The following CEP63 variants were observed in gnomAD, a reference collection of about 807,000 sequenced individuals.
The protein encoded by CEP63 is centrosomal protein of 63 kDa.
CEP63 carries 84 observed loss-of-function variants against 89.1 expected under a neutral mutation model. The ratio of observed to expected loss-of-function variants is 0.94; its 90% CI spans 0.79 to 1.13. CEP63 has a LOEUF of 1.13. CEP63 is among the 50% of genes most tolerant of loss of function. The pLI is 0.00. For missense variants in CEP63, 838 were observed against 813.3 expected (o/e 1.03, Z -0.37); for synonymous variants, 267 against 272.5 (o/e 0.98, Z 0.20).
chr3:134,767,516 AGAG>A, the CEP63 span, among the ~76,000 whole-genome samples: 1 of 152,224 alleles, frequency 6.6e-6, no homozygotes, highest in African/African-American at 2.4e-5. Context: ...AAAGTCTCAT[AGAG>A]CTCTGCACTC....
chr3:134,594,343 T>C, the CEP63 span, among the ~76,000 whole-genome samples: 1 of 152,152 alleles, frequency 6.6e-6, no homozygotes, highest in African/African-American at 2.4e-5. Context: ...TAGCTGCCCC[T>C]GCCACCATAA....
At chr3:134,487,769 A>G (rs1216652747) in intron 1 of CEP63, among the ~76,000 whole-genome samples, 1 of 152,264 alleles carries the variant, frequency 6.6e-6, no homozygotes, top group East Asian at 1.9e-4. Context: ...ATATCCAGTC[A>G]GATAACGATT....
chr3:134,527,599 A>C (rs893963683), intron 3 of CEP63, among the ~76,000 whole-genome samples: 1 of 152,222 alleles, frequency 6.6e-6, no homozygotes, highest in African/African-American at 2.4e-5. Context: ...ACATGCCAGC[A>C]AAGCCATGTG....
the CEP63 span, among the ~76,000 whole-genome samples, chr3:134,712,062 C>T: frequency 2.6e-5 from 4 of 152,184 alleles, no homozygotes; most frequent in South Asian, 8.3e-4. Context: ...CCTGATGTCA[C>T]TCATTCTTGA....
At chr3:134,697,966 C>T in the CEP63 span, among the ~76,000 whole-genome samples, 50 of 152,296 alleles carry the variant, frequency 3.3e-4, no homozygotes, top group African/African-American at 1.1e-3. Flanking sequence ...CATGTCCCTC[C>T]GTTAGGACAC....
the CEP63 span, among the ~76,000 whole-genome samples, chr3:134,642,051 G>A: frequency 3.9e-5 from 6 of 152,176 alleles, no homozygotes; most frequent in African/African-American, 1.2e-4. Context: ...TGGGCCCACA[G>A]AGGTCTCTAA....
At chr3:134,639,075 T>G in the CEP63 span, among the ~76,000 whole-genome samples, 75 of 151,356 alleles carry the variant, frequency 5.0e-4, 1 homozygote, top group African/African-American at 9.2e-4. Flanking sequence ...TTGGAGTTTT[T>G]TTTTTTTTTT....
downstream of CEP63, among the ~76,000 whole-genome samples, chr3:134,576,148 G>C (rs999597473): frequency 6.6e-6 from 1 of 152,142 alleles, no homozygotes; most frequent in Non-Finnish European, 1.5e-5. Flanking sequence ...GGATGAAAGA[G>C]CCTTGGTGGT....
intron 12 of CEP63, chr3:134,553,197 C>A (rs1955299374): frequency 6.6e-6 from 1 of 152,022 alleles, no homozygotes; most frequent in Non-Finnish European, 1.5e-5. Flanking sequence ...ATTTCACAAT[C>A]CAGGATTGTG....
intron 10 of CEP63, among the ~76,000 whole-genome samples, chr3:134,582,868 A>G (rs1282106951): frequency 1.3e-5 from 2 of 152,174 alleles, no homozygotes; most frequent in African/African-American, 4.8e-5. Context: ...AATGATTGCC[A>G]TTCTAACTGG....
At chr3:134,536,434 G>A (rs1950789534) in intron 5 of CEP63, 1 of 153,098 alleles carries the variant, frequency 6.5e-6, no homozygotes, top group Non-Finnish European at 1.5e-5. Flanking sequence ...GAAAGATTGA[G>A]TTTCCTTTCC....
chr3:134,654,141 C>T, the CEP63 span, among the ~76,000 whole-genome samples: 2 of 152,274 alleles, frequency 1.3e-5, no homozygotes, highest in South Asian at 2.1e-4. Flanking sequence ...GCCCTGCATC[C>T]GATACTCCTC....
chr3:134,640,384 T>C, the CEP63 span, among the ~76,000 whole-genome samples: 5 of 152,138 alleles, frequency 3.3e-5, no homozygotes, highest in Non-Finnish European at 4.4e-5. Context: ...TATTTAAATA[T>C]CTTTGAGCTT....
chr3:134,768,626 AG>A, the CEP63 span, among the ~76,000 whole-genome samples: 1 of 152,226 alleles, frequency 6.6e-6, no homozygotes, highest in East Asian at 1.9e-4. Context: ...GACTCTAAAA[AG>A]GAGTGTCTTC....
At chr3:134,511,912 G>A (rs940489123) in intron 3 of CEP63, among the ~76,000 whole-genome samples, 4 of 152,182 alleles carry the variant, frequency 2.6e-5, no homozygotes, top group African/African-American at 9.7e-5. Flanking sequence ...ATTCTTACTT[G>A]TTTGAAAGGT....
the CEP63 span, among the ~76,000 whole-genome samples, chr3:134,727,312 T>C: frequency 3.9e-5 from 6 of 152,216 alleles, no homozygotes; most frequent in African/African-American, 1.4e-4. Context: ...TTAATAGTGT[T>C]AGTGCAATTG....
intron 5 of CEP63, among the ~76,000 whole-genome samples, chr3:134,534,652 T>G (rs1239452218): frequency 1.3e-5 from 2 of 152,212 alleles, no homozygotes; most frequent in African/African-American, 2.4e-5. Context: ...TAAGTCCACC[T>G]TTCTGCCCAC....
the CEP63 span, among the ~76,000 whole-genome samples, chr3:134,745,914 CTTT>C: frequency 7.0e-6 from 1 of 142,872 alleles, no homozygotes; most frequent in African/African-American, 2.6e-5. Context: ...GCCACATTTT[CTTT>C]TCTTTTTTTT....
chr3:134,766,754 G>A, the CEP63 span, among the ~76,000 whole-genome samples: 1 of 152,174 alleles, frequency 6.6e-6, no homozygotes, highest in East Asian at 1.9e-4. Flanking sequence ...AGAGGGGAGG[G>A]CAGATGGAGC....
Sources: gnomAD v4.1 joint callset for allele counts (sites outside exome capture counted in the v4.1 genomes callset) on GRCh38, gnomAD v4.1.1 for gene constraint, MANE v1.5 for transcripts, NCBI Gene and HGNC (gene_info 2026-07-23, HGNC 2026-07-21) for gene names.